The following WDR1 variants were observed in gnomAD, a reference collection of about 807,000 sequenced individuals.
WDR1 encodes WD repeat domain 1, also known as WD repeat-containing protein 1.
WDR1 carries 21 observed loss-of-function variants against 71.9 expected under a neutral mutation model. The observed-to-expected ratio is 0.29, with a 90% CI of 0.21 to 0.42. The LOEUF is 0.42. Among genes scored for constraint, WDR1 ranks in the 10% least tolerant of loss-of-function variants. The probability of loss-of-function intolerance (pLI) is 1.00; values close to 1 mark genes in which losing one functional copy is unlikely to be tolerated. For synonymous variants in WDR1, 424 were observed against 347.4 expected, an observed-to-expected ratio of 1.22 and a Z score of -2.45; for missense variants, 696 against 824.5, an observed-to-expected ratio of 0.84 and a Z score of 1.91.
chr4:10,105,314 T>A (rs987661174), intron 2 of WDR1, among the ~76,000 whole-genome samples: 1 of 152,178 alleles, frequency 6.6e-6, no homozygotes, highest in African/African-American at 2.4e-5. Flanking sequence ...TCACTAGCCA[T>A]CTCAATAAGT....
chr4:10,080,661 G>A (rs748292740), intron 11 of WDR1, among the ~76,000 whole-genome samples: 1 of 152,226 alleles, frequency 6.6e-6, no homozygotes, highest in Non-Finnish European at 1.5e-5. Context: ...GCCTAGGCCC[G>A]CCAACAGATA....
chr4:10,087,401 G>A (rs1269062055), intron 8 of WDR1, among the ~76,000 whole-genome samples: 1 of 152,254 alleles, frequency 6.6e-6, no homozygotes, highest in Non-Finnish European at 1.5e-5. Context: ...GCAGAGCCCT[G>A]CAGGAAGTAA....
chr4:10,088,798 A>AC, intron 5 of WDR1, 57 bp from the exon 6 acceptor site: 2 of 1,329,336 alleles, frequency 1.5e-6, no homozygotes, highest in East Asian at 5.0e-5. Context: ...TCTAGGTTCA[A>AC]GAATGCTCTC....
At chr4:10,113,021 C>T (rs780764014) in intron 2 of WDR1, among the ~76,000 whole-genome samples, 6 of 152,140 alleles carry the variant, frequency 3.9e-5, no homozygotes, top group South Asian at 2.1e-4. Flanking sequence ...AATTCTATTC[C>T]GGGGACACCC....
Position 10,116,251 on chromosome 4 carries a change from G to A in WDR1, c.17-17C>T, listed in dbSNP as rs748239864. 5 of 1,613,132 alleles carry A rather than the reference G, an allele frequency of 3.1e-6. No homozygotes were observed. In the South Asian group the frequency reaches 4.4e-5, roughly 14 times the overall value. ...ACACCTTCTCTGCGGAGACACAAAT[G>A]CGGCGGGGCATGTCAGGGCAGGGCG... On this transcript the variant is annotated splice_polypyrimidine_tract_variant and intron_variant, in intron 1 of 14. Coordinates refer to ENST00000499869, the MANE Select transcript of WDR1 (RefSeq NM_017491.5).
At chr4:10,081,498 G>A (rs1765012683) in intron 10 of WDR1, 54 bp from the exon 11 acceptor site, 2 of 1,533,942 alleles carry the variant, frequency 1.3e-6, no homozygotes, top group East Asian at 2.2e-5. Flanking sequence ...CTCAGGGTAG[G>A]TATGCATACA....
intron 2 of WDR1, among the ~76,000 whole-genome samples, chr4:10,104,352 A>C (rs779174648): frequency 2.0e-5 from 3 of 152,192 alleles, no homozygotes; most frequent in Non-Finnish European, 2.9e-5. Flanking sequence ...CATTTGTGGG[A>C]AGCTGCATTC....
At chr4:10,084,393 C>G (rs565150931) in intron 9 of WDR1, 50 bp downstream of exon 9, 1 of 1,555,250 alleles carries the variant, frequency 6.4e-7, no homozygotes, top group African/African-American at 1.4e-5. Context: ...ACAGGAAATT[C>G]CCCCCTAGAG....
intron 2 of WDR1, among the ~76,000 whole-genome samples, chr4:10,109,370 T>C (rs1032426634): frequency 2.0e-5 from 3 of 152,218 alleles, no homozygotes; most frequent in African/African-American, 7.2e-5. Flanking sequence ...TCAGGGACCA[T>C]ATGTGGCGGC....
At chr4:10,079,494 T>C (rs1481962170) in intron 11 of WDR1, among the ~76,000 whole-genome samples, 2 of 152,228 alleles carry the variant, frequency 1.3e-5, no homozygotes, top group African/African-American at 4.8e-5. Context: ...TCCCACAGGC[T>C]GAGCCGGGAC....
intron 2 of WDR1, among the ~76,000 whole-genome samples, chr4:10,110,379 T>G (rs1713277425): frequency 6.6e-6 from 1 of 152,188 alleles, no homozygotes; most frequent in South Asian, 2.1e-4. Flanking sequence ...TCCAGTAGTC[T>G]TACGCATGAG....
At chr4:10,094,392 A>G (rs1002893992) in intron 5 of WDR1, among the ~76,000 whole-genome samples, 5 of 152,220 alleles carry the variant, frequency 3.3e-5, no homozygotes, top group Admixed American at 2.6e-4. Context: ...AGTAATGCGC[A>G]TGGCGAAGGC....
intron 3 of WDR1, among the ~76,000 whole-genome samples, chr4:10,099,788 C>A (rs189001469): frequency 6.6e-6 from 1 of 152,254 alleles, no homozygotes; most frequent in South Asian, 2.1e-4. Context: ...AGCAGTTCCA[C>A]GACGCACAGG....
chr4:10,076,014 C>A (rs3775935), intron 14 of WDR1: 35,584 of 155,970 alleles, frequency 0.23, 4,688 homozygotes, highest in South Asian at 0.44. Flanking sequence ...AACCGAGATG[C>A]CAATAGTGAG....
At position 10,116,055 on chromosome 4, in the gene WDR1, T is replaced by G. The variant is rs894475966; in HGVS notation, c.138+58A>C. 11 of 1,580,346 alleles carry G rather than the reference T, an allele frequency of 7.0e-6. No homozygotes were observed. The African/African-American group carries it at 1.1e-4, about 16-fold the overall frequency. On this transcript the variant is annotated intron_variant, in intron 2 of 14. Transcript: ENST00000499869. ...GGTGAGAAGTGGAGAGGAAGGCGAA[T>G]TATCCCATCCCAAGGTGGCTCCGGA...
intron 7 of WDR1, 84 bp downstream of exon 7, chr4:10,088,209 T>G: frequency 7.4e-7 from 1 of 1,347,194 alleles, no homozygotes; most frequent in Non-Finnish European, 1.0e-6. Flanking sequence ...AGTTTTTGTC[T>G]AACTCCGGAG....
At chr4:10,100,969 T>C (rs16868326) in intron 3 of WDR1, among the ~76,000 whole-genome samples, 5 of 152,054 alleles carry the variant, frequency 3.3e-5, no homozygotes, top group Admixed American at 2.6e-4. Flanking sequence ...GGAGAAGACA[T>C]TGCTCTCAGG....
Position 10,116,097 on chromosome 4 carries a change from G to A in WDR1, c.138+16C>T, listed in dbSNP as rs1339976105. 5.0e-6 allele frequency: 8 copies of A among 1,610,710 alleles called. No individual in the cohort carries two copies. Among genetic ancestry groups the A allele is most frequent in the Non-Finnish European group, 4.2e-6 (5 of 1,178,374 alleles). Reference sequence around the variant, plus strand: ...GGCTCCGGAGCAGAACCGCGCCCGGGGTAGGGGGTACTCACGTCGATGTTC... The same window carrying A: ...GGCTCCGGAGCAGAACCGCGCCCGGAGTAGGGGGTACTCACGTCGATGTTC... On this transcript the variant is annotated intron_variant, in intron 2 of 14. Transcript: ENST00000499869.
intron 10 of WDR1, among the ~76,000 whole-genome samples, chr4:10,081,858 C>T (rs755861857): frequency 1.3e-5 from 2 of 152,156 alleles, no homozygotes; most frequent in Admixed American, 6.5e-5. Flanking sequence ...GAATCCGTTA[C>T]CTTTAATGGG....
Sources: gnomAD v4.1 joint callset for allele counts (sites outside exome capture counted in the v4.1 genomes callset) on GRCh38, gnomAD v4.1.1 for gene constraint, MANE v1.5 for transcripts, NCBI Gene and HGNC (gene_info 2026-07-23, HGNC 2026-07-21) for gene names.